Variants in RYR3 observed in about 807,000 individuals in gnomAD.
RYR3 encodes brain ryanodine receptor-calcium release channel.
Under a neutral mutation model 584.3 loss-of-function variants are expected in RYR3, and 207 were observed. The ratio of observed to expected loss-of-function variants is 0.35; its 90% CI spans 0.32 to 0.40. The LOEUF (loss-of-function observed/expected upper bound fraction) is 0.40, where lower values mean the gene tolerates loss of function less well. RYR3 is among the 10% of genes least tolerant of loss of function. The pLI is 1.00. For missense variants in RYR3, 5,616 were observed against 6,089.2 expected (o/e 0.92, Z 2.59); for synonymous variants, 2,416 against 2,248.5 (o/e 1.07, Z -2.11).
At chr15:33,648,239 C>T (rs761717864) in intron 30 of RYR3, among the ~76,000 whole-genome samples, 1 of 152,170 alleles carries the variant, frequency 6.6e-6, no homozygotes, top group East Asian at 1.9e-4. Flanking sequence ...ACAGAGAGGA[C>T]AAATGATTTG....
chr15:33,393,507 G>A (rs1362033148), intron 1 of RYR3, among the ~76,000 whole-genome samples: 1 of 152,176 alleles, frequency 6.6e-6, no homozygotes, highest in Non-Finnish European at 1.5e-5. Flanking sequence ...AAAATAGGGG[G>A]AGGAAATAGG....
rs777498839 is a variant in RYR3 at position 33,857,930 on chromosome 15, C to G, written c.14142+16C>G. On this transcript the variant is annotated intron_variant, in intron 99 of 103. Coordinates refer to ENST00000634891, the MANE Select transcript of RYR3 (RefSeq NM_001036.6). ...CATGATGACGGTGAGAGCCCACCCACTGCGGGGCCAGCCCACCCACTGCGG... is the reference window on the plus strand; with the variant it reads ...CATGATGACGGTGAGAGCCCACCCAGTGCGGGGCCAGCCCACCCACTGCGG... The G allele has an allele frequency of 1.4e-6, 2 of 1,379,840 alleles. No individual in the cohort carries two copies. The highest frequency in any genetic ancestry group is 2.3e-5 in the East Asian group (1 of 44,344). 85.5% of individuals were successfully genotyped at this position (1,379,840 alleles called of 1,614,324 possible). A position where few individuals can be genotyped will look rare whatever the true frequency, so the allele number is the denominator to read the frequency against.
At chr15:33,421,281 G>A (rs1443833824) in intron 1 of RYR3, among the ~76,000 whole-genome samples, 1 of 152,200 alleles carries the variant, frequency 6.6e-6, no homozygotes, top group Non-Finnish European at 1.5e-5. Context: ...ATGCAAGGGA[G>A]TTATCTAATT....
At chr15:33,835,671 T>G (rs1191045752) in intron 87 of RYR3, among the ~76,000 whole-genome samples, 1 of 152,212 alleles carries the variant, frequency 6.6e-6, no homozygotes, top group Non-Finnish European at 1.5e-5. Flanking sequence ...ATTTGCAGCT[T>G]TAACTTAAAT....
intron 1 of RYR3, among the ~76,000 whole-genome samples, chr15:33,461,650 A>G (rs2048050336): frequency 6.6e-6 from 1 of 152,200 alleles, no homozygotes; most frequent in Non-Finnish European, 1.5e-5. Context: ...GAAATATAAG[A>G]GTTGCAACAT....
chr15:33,333,272 A>G (rs1214400787), intron 1 of RYR3, among the ~76,000 whole-genome samples: 10 of 152,166 alleles, frequency 6.6e-5, no homozygotes, highest in Admixed American at 5.9e-4. Flanking sequence ...GGAAAATTTC[A>G]GGCCAATATC....
rs1350283235 is a variant in RYR3, at chr15:33,785,956, A to C, written c.9563A>C (p.Glu3188Ala). The part of the protein sequence containing the change: ...KIINNNLGID[E>A]ASWMKRIAVY... ...ATCAACAACAACCTGGGCATCGATGAGGCCTCCTGGATGAAGCGCATTGCA... is the reference window on the plus strand; with the variant it reads ...ATCAACAACAACCTGGGCATCGATGCGGCCTCCTGGATGAAGCGCATTGCA... The change falls in exon 66 of 104, where the codon GAG (glutamate) becomes GCG (alanine). Residue 3188 changes from glutamate (E) to alanine (A), a missense_variant. Glu to Ala is a moderately radical substitution (Grantham distance 107, BLOSUM62 -1). Transcript: ENST00000634891. 2 of 1,599,192 alleles carry C rather than the reference A, an allele frequency of 1.3e-6. No homozygotes were observed. The highest frequency in any genetic ancestry group is 1.7e-5 in the Admixed American group (1 of 59,310).
intron 2 of RYR3, among the ~76,000 whole-genome samples, chr15:33,484,948 A>G (rs2050281229): frequency 6.6e-6 from 1 of 152,178 alleles, no homozygotes; most frequent in Non-Finnish European, 1.5e-5. Context: ...TCCTTAGTAA[A>G]GGAATTGGTA....
rs746740609 is a variant in RYR3 at position 33,633,120 on chromosome 15, TGGGTCAGGCATGCTGGA to T, written c.3027+13_3027+29del. ...ATGGCATCCAACAGGTAAGAAATTC[TGGGTCAGGCATGCTGGA>T]AAACTTAGAAGATATGATCATCCAC... On this transcript the variant is annotated intron_variant, in intron 24 of 103. Coordinates refer to ENST00000634891, the MANE Select transcript of RYR3 (RefSeq NM_001036.6). 18 of 1,611,006 alleles carry T rather than the reference TGGGTCAGGCATGCTGGA, an allele frequency of 1.1e-5. No homozygotes were observed. Among genetic ancestry groups the T allele is most frequent in the Non-Finnish European group, 1.7e-6 (2 of 1,177,986 alleles).
intron 3 of RYR3, among the ~76,000 whole-genome samples, chr15:33,514,526 G>A (rs1441380733): frequency 2.0e-5 from 3 of 151,926 alleles, no homozygotes; most frequent in African/African-American, 7.3e-5. Flanking sequence ...GGCCAGAGGT[G>A]GAAATTATTC....
At chr15:33,696,164 G>T (rs904674217) in intron 38 of RYR3, 54 bp from the exon 39 acceptor site, 1 of 1,547,406 alleles carries the variant, frequency 6.5e-7, no homozygotes, top group Admixed American at 1.8e-5. Flanking sequence ...GAAACACCCA[G>T]CTCTCCCTGA....
chr15:33,566,821 T>C (rs760802109), intron 12 of RYR3, 22 bp downstream of exon 12: 59 of 1,613,236 alleles, frequency 3.7e-5, no homozygotes, highest in Non-Finnish European at 7.6e-6. Flanking sequence ...CCTTTCCTCC[T>C]CTACCTAGTG....
chr15:33,853,543 C>T lies in RYR3; in HGVS notation c.13672-12C>T, dbSNP rs753669778. 2.2e-5 allele frequency: 36 copies of T among 1,612,642 alleles called. No homozygotes were observed. The Admixed American group carries it at 4.2e-4, about 19-fold the overall frequency. On this transcript the variant is annotated splice_polypyrimidine_tract_variant and intron_variant, in intron 95 of 103. Coordinates refer to ENST00000634891, the MANE Select transcript of RYR3 (RefSeq NM_001036.6). ...GTGTGGCCTGAGCTCACCCTGTCAT[C>T]CTTTGCTTCAGGTGATCAACAAGTA...
chr15:33,796,300 A>C (rs540090096), intron 67 of RYR3, among the ~76,000 whole-genome samples: 1 of 151,838 alleles, frequency 6.6e-6, no homozygotes, highest in East Asian at 1.9e-4. Flanking sequence ...ACGCCCGGCT[A>C]ATTTTGTATT....
In RYR3 at chr15:33,425,713, C is replaced by T. The variant is rs1329785388; in HGVS notation, c.52-47706C>T. Among the ~76,000 whole-genome samples the T allele has an allele frequency of 8.1e-5, 11 of 136,598 alleles. No individual in the cohort carries two copies. In the East Asian group the frequency reaches 2.8e-3, roughly 35 times the overall value. The allele number at this position is 136,598 out of a possible 152,430, so 89.6% of individuals were successfully genotyped here. A position where few individuals can be genotyped will look rare whatever the true frequency, so the allele number is the denominator to read the frequency against. ...CTGGAGTGAATTGCCGTGATCTTGG[C>T]TCACTGCAAGCTCCGCCTCCCGGGT... is the stretch of plus-strand genomic sequence containing the variant. On this transcript the variant is annotated intron_variant, in intron 1 of 103. Coordinates refer to ENST00000634891, the MANE Select transcript of RYR3 (RefSeq NM_001036.6).
At chr15:33,505,416 G>A (rs148699349) in intron 3 of RYR3, among the ~76,000 whole-genome samples, 2 of 152,272 alleles carry the variant, frequency 1.3e-5, no homozygotes, top group East Asian at 3.9e-4. Flanking sequence ...TCCTCAGTCT[G>A]GGTTCATTTC....
At chr15:33,860,764 CAAGAACG>C in intron 101 of RYR3, 105 bp downstream of exon 101, 2 of 894,946 alleles carry the variant, frequency 2.2e-6, no homozygotes, top group Middle Eastern at 2.2e-4. Flanking sequence ...CAGTACTAAG[CAAGAACG>C]CAGTTTGTTT....
intron 1 of RYR3, among the ~76,000 whole-genome samples, chr15:33,363,550 C>T (rs553758572): frequency 1.3e-5 from 2 of 152,102 alleles, no homozygotes; most frequent in South Asian, 4.2e-4. Context: ...TTTAAAAAAC[C>T]CTATTTTTAG....
intron 12 of RYR3, among the ~76,000 whole-genome samples, chr15:33,573,803 C>T (rs2058159419): frequency 6.6e-6 from 1 of 152,196 alleles, no homozygotes; most frequent in Admixed American, 6.5e-5. Flanking sequence ...TTGGGCTTTA[C>T]TCTCTGAGGT....
Sources: allele counts gnomAD v4.1 joint callset (sites outside exome capture counted in the v4.1 genomes callset), GRCh38; gene constraint gnomAD v4.1.1; transcripts MANE v1.5; gene names NCBI Gene and HGNC (gene_info 2026-07-23, HGNC 2026-07-21).